Variants in ANXA3 observed in about 807,000 individuals in gnomAD.
The protein encoded by ANXA3 is 35-alpha calcimedin.
ANXA3 carries 46 observed loss-of-function variants against 48.8 expected under a neutral mutation model. That is an observed-to-expected ratio of 0.94 (90% confidence interval 0.74 to 1.21). The LOEUF is 1.21. Among genes scored for constraint, ANXA3 ranks in the 50% most tolerant of loss-of-function variants. The probability of loss-of-function intolerance (pLI) is 0.00; values close to 1 mark genes in which losing one functional copy is unlikely to be tolerated. For synonymous variants in ANXA3, 128 were observed against 134.7 expected (o/e 0.95, Z 0.35); for missense variants, 383 against 378.6 (o/e 1.01, Z -0.10).
rs944264728 is a variant in ANXA3 at position 78,579,269 on chromosome 4, G to A, written c.198+148G>A. On this transcript the variant is annotated intron_variant, in intron 4 of 12. Coordinates refer to ENST00000264908, the MANE Select transcript of ANXA3 (RefSeq NM_005139.3). ...CAGTCAGGAGCCTGGAATCTGAGTCGTGGTTTTGCCTTGAACTAGCTGACT... is the reference window on the plus strand; with the variant it reads ...CAGTCAGGAGCCTGGAATCTGAGTCATGGTTTTGCCTTGAACTAGCTGACT... 1.9e-5 allele frequency: 10 copies of A among 539,470 alleles called. No homozygotes were observed. The East Asian group carries it at 2.7e-4, about 15-fold the overall frequency. The allele number at this position is 539,470 out of a possible 1,614,324, so 33.4% of individuals were successfully genotyped here. A position where few individuals can be genotyped will look rare whatever the true frequency, so the allele number is the denominator to read the frequency against.
rs114904148 is a variant in ANXA3, at chr4:78,565,540, C to T, written c.16-7640C>T. Among the ~76,000 whole-genome samples, 460 of 152,318 alleles carry T rather than the reference C, an allele frequency of 3.0e-3. 4 individuals carry two copies. Among genetic ancestry groups the T allele is most frequent in the African/African-American group, 0.01 (436 of 41,566 alleles). Reference sequence around the variant, plus strand: ...GGAATCAAAGGGGACTCCCAGGTTTCTGGTGGCTGATGATTGCTCCTTTTA... The same window carrying T: ...GGAATCAAAGGGGACTCCCAGGTTTTTGGTGGCTGATGATTGCTCCTTTTA... On this transcript the variant is annotated intron_variant, in intron 2 of 12. Transcript: ENST00000264908.
intron 10 of ANXA3, 118 bp from the exon 11 acceptor site, chr4:78,601,392 G>T: frequency 2.4e-6 from 2 of 840,016 alleles, no homozygotes; most frequent in Non-Finnish European, 1.9e-6. Context: ...AGCCAGTTGT[G>T]GGGAGGGGAT....
intron 4 of ANXA3, among the ~76,000 whole-genome samples, chr4:78,581,675 C>T (rs907453916): frequency 3.9e-5 from 6 of 152,124 alleles, no homozygotes; most frequent in African/African-American, 1.4e-4. Flanking sequence ...CTTTTCTTTA[C>T]TTGTTGCCAG....
intron 2 of ANXA3, among the ~76,000 whole-genome samples, chr4:78,567,709 A>G (rs1407029562): frequency 1.3e-5 from 2 of 152,250 alleles, no homozygotes; most frequent in Non-Finnish European, 2.9e-5. Context: ...ACAGCTTGCT[A>G]ATATAAATTC....
Position 78,593,288 on chromosome 4 carries a change from T to C in ANXA3, c.483+1665T>C, listed in dbSNP as rs1273715813. The stretch of plus-strand genomic sequence containing the variant: ...TGCGATCTCGGCTCACTGCAACCTC[T>C]GCCTCCCAGGTTCAAGCAATTCTCC... On this transcript the variant is annotated intron_variant, in intron 7 of 12. Transcript: ENST00000264908. Among the ~76,000 whole-genome samples, 8 of 152,088 alleles carry C rather than the reference T, an allele frequency of 5.3e-5. No homozygotes were observed. In the South Asian group the frequency reaches 8.3e-4, roughly 16 times the overall value.
intron 3 of ANXA3, among the ~76,000 whole-genome samples, chr4:78,576,409 G>C (rs892694228): frequency 6.6e-6 from 1 of 151,842 alleles, no homozygotes; most frequent in African/African-American, 2.4e-5. Flanking sequence ...GGATCCTATG[G>C]CCTCAGCCTC....
At chr4:78,588,154 G>A (rs762145437) in intron 6 of ANXA3, among the ~76,000 whole-genome samples, 1 of 152,104 alleles carries the variant, frequency 6.6e-6, no homozygotes, top group Non-Finnish European at 1.5e-5. Flanking sequence ...CATTTTGGGA[G>A]GCTGAGGTGG....
Position 78,572,942 on chromosome 4 carries a change from A to C in ANXA3, c.16-238A>C, listed in dbSNP as rs1357075946. The C allele has an allele frequency of 1.3e-5, 8 of 601,746 alleles. No homozygotes were observed. The African/African-American group carries it at 1.5e-4, about 11-fold the overall frequency. The allele number at this position is 601,746 out of a possible 1,614,324, so 37.3% of individuals were successfully genotyped here. The stretch of plus-strand genomic sequence containing the variant: ...CCTGAAGTTAGTTTGCCCCACACCC[A>C]GGAATGAGCAAAGACAGCCAGCCTG... On this transcript the variant is annotated intron_variant, in intron 2 of 12. Transcript: ENST00000264908.
rs543427318 is a variant in ANXA3, at chr4:78,594,596, G to A, written c.484-785G>A. On this transcript the variant is annotated intron_variant, in intron 7 of 12. Coordinates refer to ENST00000264908, the MANE Select transcript of ANXA3 (RefSeq NM_005139.3). ...AGCCCTTCTAATAGGTTGTGTAGTG[G>A]CATCTTATTGTTTTAATTTGTAATT... Among the ~76,000 whole-genome samples the A allele has an allele frequency of 1.3e-3, 195 of 152,278 alleles. 1 individual carries two copies. The Middle Eastern group carries it at 0.024, about 19-fold the overall frequency.
chr4:78,606,529 T>C (rs34279390), intron 12 of ANXA3, among the ~76,000 whole-genome samples: 6,021 of 152,278 alleles, frequency 0.04, 169 homozygotes, highest in Admixed American at 0.057. Context: ...CACATTCCAG[T>C]GTCCCTGCCA....
At position 78,591,564 on chromosome 4, in the gene ANXA3, G is replaced by T; in HGVS notation, c.424G>T (p.Asp142Tyr). 6.2e-7 allele frequency: 1 copy of T among 1,613,258 alleles called. No homozygotes were observed. The highest frequency in any genetic ancestry group is 1.1e-5 in the South Asian group (1 of 91,030). ...TTCAGTATACAAGAAGAGTCTTGGA[G>T]ATGACATTAGTTCCGAAACATCTGG... is the stretch of plus-strand genomic sequence containing the variant. ...YYTVYKKSLG[D>Y]DISSETSGDF... The change falls in exon 7 of 13, where the codon GAT becomes TAT. Residue 142 changes from aspartate to tyrosine, a missense_variant. Asp to Tyr is a radical substitution (Grantham distance 160, BLOSUM62 -3). Transcript: ENST00000264908.
rs1029407073 is a variant in ANXA3 at position 78,576,700 on chromosome 4, G to T, written c.104-2327G>T. Among the ~76,000 whole-genome samples the T allele has an allele frequency of 1.3e-4, 20 of 152,232 alleles. 1 individual carries two copies. Among genetic ancestry groups the T allele is most frequent in the African/African-American group, 4.6e-4 (19 of 41,532 alleles). On this transcript the variant is annotated intron_variant, in intron 3 of 12. Coordinates refer to ENST00000264908, the MANE Select transcript of ANXA3 (RefSeq NM_005139.3). ...AAACATTATGTTTCTTCATGAATTT[G>T]CACTTTGGCTTACAGGCCTTCTTTA...
Position 78,601,454 on chromosome 4 carries a change from T to C in ANXA3, c.731-56T>C, listed in dbSNP as rs148792467. 298 of 1,520,934 alleles carry C rather than the reference T, an allele frequency of 2.0e-4. No individual in the cohort carries two copies. In the East Asian group the frequency reaches 6.2e-3, roughly 31 times the overall value. 94.2% of individuals were successfully genotyped at this position (1,520,934 alleles called of 1,614,324 possible). A position where few individuals can be genotyped will look rare whatever the true frequency, so the allele number is the denominator to read the frequency against. On this transcript the variant is annotated intron_variant, in intron 10 of 12. Transcript: ENST00000264908. The stretch of plus-strand genomic sequence containing the variant: ...TTTTTAAAAAACATATTACTTACTA[T>C]AGATTAACCCAATTTCTATTCCGTG...
intron 12 of ANXA3, among the ~76,000 whole-genome samples, chr4:78,608,819 T>C (rs531266208): frequency 6.6e-6 from 1 of 152,314 alleles, no homozygotes; most frequent in Non-Finnish European, 1.5e-5. Flanking sequence ...TTGAGCCATG[T>C]AAGACATGTG....
chr4:78,592,041 G>A (rs1221994320), intron 7 of ANXA3, among the ~76,000 whole-genome samples: 4 of 152,146 alleles, frequency 2.6e-5, no homozygotes, highest in Non-Finnish European at 5.9e-5. Context: ...TGATACAGAA[G>A]AATGATCTTT....
chr4:78,595,546 T>TTTTC, intron 8 of ANXA3, 109 bp downstream of exon 8: 4 of 1,257,180 alleles, frequency 3.2e-6, no homozygotes. Context: ...TTTTCTTTTT[T>TTTTC]TTTTTTTCCT....
intron 4 of ANXA3, 48 bp from the exon 5 acceptor site, chr4:78,582,129 A>G (rs888975533): frequency 1.5e-6 from 2 of 1,302,206 alleles, no homozygotes; most frequent in South Asian, 2.4e-5. Context: ...CTTTAGAGAA[A>G]GAGAAAAAAA....
intron 2 of ANXA3, among the ~76,000 whole-genome samples, chr4:78,572,705 T>C (rs1722863455): frequency 6.6e-6 from 1 of 152,208 alleles, no homozygotes; most frequent in Non-Finnish European, 1.5e-5. Flanking sequence ...CTGTAGGTTC[T>C]ATAATAGTGA....
Position 78,587,965 on chromosome 4 carries a change from G to A in ANXA3, c.403+1615G>A, listed in dbSNP as rs897708321. 4.6e-5 allele frequency among the ~76,000 whole-genome samples: 7 copies of A among 152,144 alleles called. No individual in the cohort carries two copies. In the East Asian group the frequency reaches 7.7e-4, roughly 17 times the overall value. The stretch of plus-strand genomic sequence containing the variant: ...AAAAAAGTTAGATGGTCATGGTGGC[G>A]TGCACCTGTAGTCCCAGCTACTCAG... On this transcript the variant is annotated intron_variant, in intron 6 of 12. Coordinates refer to ENST00000264908, the MANE Select transcript of ANXA3 (RefSeq NM_005139.3).
Sources: gnomAD v4.1 joint callset for allele counts (sites outside exome capture counted in the v4.1 genomes callset) on GRCh38, gnomAD v4.1.1 for gene constraint, MANE v1.5 for transcripts, NCBI Gene and HGNC (gene_info 2026-07-23, HGNC 2026-07-21) for gene names.